Variants in ELMO1 observed in about 807,000 individuals in gnomAD.
ELMO1 encodes engulfment and cell motility protein 1.
Under a neutral mutation model 98.9 loss-of-function variants are expected in ELMO1, and 26 were observed. The observed-to-expected ratio is 0.26, with a 90% CI of 0.19 to 0.36. The LOEUF (loss-of-function observed/expected upper bound fraction) is 0.36, where lower values mean the gene tolerates loss of function less well. Among genes scored for constraint, ELMO1 ranks in the 10% least tolerant of loss-of-function variants. The pLI, the probability that ELMO1 is intolerant of heterozygous loss-of-function variation, is 1.00. For missense variants in ELMO1, 627 were observed against 935.2 expected (o/e 0.67, Z 4.30); for synonymous variants, 346 against 346.0 (o/e 1.00, Z 0.00).
chr7:37,292,738 G>GGGA (rs1797785426), intron 4 of ELMO1, among the ~76,000 whole-genome samples: 1 of 11,652 alleles, frequency 8.6e-5, no homozygotes, highest in African/African-American at 8.6e-4. Context: ...GAGGGAGGTG[G>GGGA]GGGGGTCAGC....
At chr7:37,213,571 A>T in intron 11 of ELMO1, 114 bp from the exon 12 acceptor site, 1 of 990,586 alleles carries the variant, frequency 1.0e-6, no homozygotes, top group Non-Finnish European at 1.4e-6. Flanking sequence ...AGGAATGGAG[A>T]AGGAAGGTGA....
intron 1 of ELMO1, among the ~76,000 whole-genome samples, chr7:37,407,720 CT>C (rs1803832160): frequency 6.6e-6 from 1 of 152,214 alleles, no homozygotes; most frequent in African/African-American, 2.4e-5. Context: ...CAGTAAAATT[CT>C]TTTGTATGAC....
intron 6 of ELMO1, among the ~76,000 whole-genome samples, chr7:37,248,474 CCA>C (rs2087587470): frequency 6.6e-6 from 1 of 152,164 alleles, no homozygotes; most frequent in African/African-American, 2.4e-5. Flanking sequence ...GAATTTTCTG[CCA>C]CACAATCTCT....
chr7:37,114,378 G>A (rs982990259), intron 14 of ELMO1, among the ~76,000 whole-genome samples: 1 of 152,168 alleles, frequency 6.6e-6, no homozygotes, highest in Admixed American at 6.5e-5. Context: ...GAGTCAATAG[G>A]ATTTTGAAAG....
intron 15 of ELMO1, among the ~76,000 whole-genome samples, chr7:37,029,798 G>T (rs575669524): frequency 8.9e-4 from 136 of 152,120 alleles, no homozygotes; most frequent in Non-Finnish European, 1.6e-3. Flanking sequence ...CTGGGATGGA[G>T]GCATGTATAG....
chr7:37,332,756 G>T (rs1351011162), intron 2 of ELMO1, among the ~76,000 whole-genome samples: 1 of 152,248 alleles, frequency 6.6e-6, no homozygotes, highest in African/African-American at 2.4e-5. Context: ...GCACTGGCAA[G>T]AGCTGGGGGC....
intron 15 of ELMO1, among the ~76,000 whole-genome samples, chr7:37,034,948 G>C (rs959447320): frequency 6.6e-5 from 10 of 152,172 alleles, no homozygotes; most frequent in African/African-American, 2.2e-4. Flanking sequence ...TCAGGGGTTG[G>C]AAGTGAGCAG....
chr7:37,276,542 C>T (rs941759770), intron 4 of ELMO1, among the ~76,000 whole-genome samples: 19 of 152,116 alleles, frequency 1.2e-4, no homozygotes, highest in Admixed American at 6.6e-5. Context: ...ACCCGGGAGG[C>T]GGAGCTTGCA....
At chr7:37,126,419 G>A (rs188634660) in intron 14 of ELMO1, among the ~76,000 whole-genome samples, 87 of 151,332 alleles carry the variant, frequency 5.7e-4, no homozygotes, top group African/African-American at 1.9e-3. Context: ...CATACTGACT[G>A]CCCAACAGAA....
intron 1 of ELMO1, among the ~76,000 whole-genome samples, chr7:37,421,090 C>T (rs1036840680): frequency 5.9e-5 from 9 of 152,224 alleles, no homozygotes; most frequent in African/African-American, 2.2e-4. Flanking sequence ...AGACTAACCT[C>T]TTCCTAATGA....
At chr7:37,217,812 G>A (rs1554444884) in intron 10 of ELMO1, 5 of 456,704 alleles carry the variant, frequency 1.1e-5, no homozygotes, top group South Asian at 3.1e-5. Flanking sequence ...AAGAAGGGAT[G>A]GAAATTCAGA....
intron 5 of ELMO1, among the ~76,000 whole-genome samples, chr7:37,269,040 T>C (rs549436579): frequency 6.6e-6 from 1 of 152,388 alleles, no homozygotes; most frequent in South Asian, 2.1e-4. Flanking sequence ...CGAAAGCTAG[T>C]ATAACACCAT....
intron 16 of ELMO1, among the ~76,000 whole-genome samples, chr7:36,969,530 C>T (rs1215993421): frequency 6.6e-6 from 1 of 152,124 alleles, no homozygotes; most frequent in African/African-American, 2.4e-5. Flanking sequence ...TTGCTTCCCC[C>T]CACTTGCATC....
intron 2 of ELMO1, among the ~76,000 whole-genome samples, chr7:37,326,941 G>A (rs1377907222): frequency 6.6e-6 from 1 of 152,184 alleles, no homozygotes; most frequent in African/African-American, 2.4e-5. Flanking sequence ...GGACTACTTA[G>A]ATCAATTATA....
intron 16 of ELMO1, among the ~76,000 whole-genome samples, chr7:36,901,755 T>A (rs1806523178): frequency 6.6e-6 from 1 of 152,250 alleles, no homozygotes; most frequent in Admixed American, 6.5e-5. Context: ...GCACCCAATA[T>A]GTTATAAGGT....
chr7:36,979,057 G>GA (rs1434193524), intron 16 of ELMO1, among the ~76,000 whole-genome samples: 19 of 152,192 alleles, frequency 1.2e-4, no homozygotes, highest in Admixed American at 1.2e-3. Flanking sequence ...TGGCTATGCT[G>GA]AAACTTGACC....
chr7:37,334,272 C>G (rs1800276996), intron 2 of ELMO1, among the ~76,000 whole-genome samples: 1 of 152,050 alleles, frequency 6.6e-6, no homozygotes, highest in Non-Finnish European at 1.5e-5. Flanking sequence ...ATGATGAAAC[C>G]CTGTCTCTAC....
At chr7:36,906,381 C>T (rs1481579094) in intron 16 of ELMO1, among the ~76,000 whole-genome samples, 1 of 152,184 alleles carries the variant, frequency 6.6e-6, no homozygotes, top group Non-Finnish European at 1.5e-5. Flanking sequence ...ATTGAAAACA[C>T]CATTTTAGTT....
chr7:37,199,688 G>A (rs1415518824), intron 13 of ELMO1, among the ~76,000 whole-genome samples: 1 of 152,164 alleles, frequency 6.6e-6, no homozygotes, highest in East Asian at 1.9e-4. Flanking sequence ...AGCAAAACAT[G>A]GGCCAACTCT....
Sources: gnomAD v4.1 joint callset for allele counts (sites outside exome capture counted in the v4.1 genomes callset) on GRCh38, gnomAD v4.1.1 for gene constraint, MANE v1.5 for transcripts, NCBI Gene and HGNC (gene_info 2026-07-23, HGNC 2026-07-21) for gene names.